Variants in ZNF831 observed in about 807,000 individuals in gnomAD.
ZNF831 encodes chromosome 20 open reading frame 174.
In ZNF831, 59 loss-of-function variants were observed where a neutral mutation model predicts 95.8. The observed-to-expected ratio is 0.62, with a 90% confidence interval of 0.50 to 0.77. The LOEUF (loss-of-function observed/expected upper bound fraction) is 0.77. Among genes scored for constraint, ZNF831 ranks in the 30% least tolerant of loss-of-function variants. The pLI is 0.00. For synonymous variants in ZNF831, 961 were observed against 925.5 expected (o/e 1.04, Z -0.70); for missense variants, 2,205 against 2,164.0 (o/e 1.02, Z -0.38).
At chr20:59,251,165 G>A (rs1987868832) in intron 4 of ZNF831, among the ~76,000 whole-genome samples, 1 of 152,092 alleles carries the variant, frequency 6.6e-6, no homozygotes, top group Non-Finnish European at 1.5e-5. Flanking sequence ...TGTACATGAG[G>A]AAGGAAAAGG....
At chr20:59,125,589 T>C (rs1979147556) in intron 1 of ZNF831, among the ~76,000 whole-genome samples, 1 of 152,198 alleles carries the variant, frequency 6.6e-6, no homozygotes, top group Non-Finnish European at 1.5e-5. Context: ...TTGACAATAC[T>C]GGGTTCAATT....
chr20:59,147,576 T>C (rs915412729), intron 2 of ZNF831, among the ~76,000 whole-genome samples: 3 of 152,230 alleles, frequency 2.0e-5, no homozygotes, highest in East Asian at 3.8e-4. Flanking sequence ...AAGGCAAAGA[T>C]GTTGGATCAT....
chr20:59,153,223 G>A (rs552023292), intron 2 of ZNF831, among the ~76,000 whole-genome samples: 35 of 152,312 alleles, frequency 2.3e-4, no homozygotes, highest in African/African-American at 7.9e-4. Flanking sequence ...CCGAGCACAC[G>A]TGCATTGGCC....
chr20:59,188,978 C>T (rs538841113), intron 1 of ZNF831, among the ~76,000 whole-genome samples: 6 of 152,134 alleles, frequency 3.9e-5, no homozygotes, highest in African/African-American at 1.4e-4. Flanking sequence ...GTCAGGAGTT[C>T]GAGACCAGCC....
chr20:59,129,928 G>T (rs1220901522), intron 1 of ZNF831, among the ~76,000 whole-genome samples: 1 of 152,182 alleles, frequency 6.6e-6, no homozygotes, highest in Admixed American at 6.5e-5. Flanking sequence ...CCTGTTGAAG[G>T]ACATTTATAC....
At chr20:59,134,080 C>T (rs1979431800) in intron 1 of ZNF831, among the ~76,000 whole-genome samples, 1 of 152,210 alleles carries the variant, frequency 6.6e-6, no homozygotes. Flanking sequence ...GGGTCAGCTT[C>T]CTGCTGGCTT....
chr20:59,245,380 G>C lies in ZNF831; in HGVS notation c.4028-7598G>C, dbSNP rs376029748. The stretch of plus-strand genomic sequence containing the variant: ...GAGCTAGGGGTCAGCCGCCCCTGGG[G>C]CCTGGGCTTGCTGTTTGGCCATCCC... On this transcript the variant is annotated intron_variant, in intron 4 of 5. Transcript: ENST00000371030. Among the ~76,000 whole-genome samples, 7 of 152,302 alleles carry C rather than the reference G, an allele frequency of 4.6e-5. 1 individual carries two copies. The highest frequency in any genetic ancestry group is 4.6e-4 in the Admixed American group (7 of 15,302).
intron 2 of ZNF831, among the ~76,000 whole-genome samples, chr20:59,156,727 T>A (rs1476353132): frequency 6.6e-6 from 1 of 152,192 alleles, no homozygotes; most frequent in East Asian, 1.9e-4. Flanking sequence ...TAAGTTTGAC[T>A]GTTTTAGATT....
Position 59,192,825 on chromosome 20 carries a change from G to A in ZNF831, c.1806G>A (p.Ala602=), listed in dbSNP as rs1451512187. Residue 602 remains alanine, a synonymous_variant, in exon 2 of 6, where the codon GCG becomes GCA. Coordinates refer to ENST00000371030, the MANE Select transcript of ZNF831 (RefSeq NM_178457.3). The surrounding 1 kb of genome is among the most constrained non-coding windows in gnomAD (Gnocchi z 5.2). The part of the protein sequence containing the change: ...AREAMAGKGR[A]GGRKCGQRRL... ...AGGCCATGGCCGGCAAGGGCAGAGC[G>A]GGCGGCAGGAAGTGCGGCCAGAGAA... 2.5e-6 allele frequency: 4 copies of A among 1,609,440 alleles called. No individual in the cohort carries two copies. Among genetic ancestry groups the A allele is most frequent in the Non-Finnish European group, 2.5e-6 (3 of 1,178,066 alleles).
At chr20:59,210,830 C>T (rs2146647097) in intron 4 of ZNF831, among the ~76,000 whole-genome samples, 1 of 152,216 alleles carries the variant, frequency 6.6e-6, no homozygotes, top group East Asian at 1.9e-4. Flanking sequence ...CTGGGGGCAC[C>T]AATGAATGGT....
At chr20:59,238,535 T>C (rs1372239191) in intron 4 of ZNF831, among the ~76,000 whole-genome samples, 2 of 152,236 alleles carry the variant, frequency 1.3e-5, no homozygotes, top group African/African-American at 2.4e-5. Flanking sequence ...GCCAGTCGCC[T>C]AGATTGTCCA....
intron 4 of ZNF831, among the ~76,000 whole-genome samples, chr20:59,223,582 A>AT (rs1986242749): frequency 6.6e-6 from 1 of 152,186 alleles, no homozygotes; most frequent in African/African-American, 2.4e-5. Flanking sequence ...ACCTGTAGTC[A>AT]TGTCATCCTA....
intron 1 of ZNF831, among the ~76,000 whole-genome samples, chr20:59,132,085 A>C (rs1003287576): frequency 1.3e-4 from 20 of 152,208 alleles, no homozygotes; most frequent in African/African-American, 4.8e-4. Flanking sequence ...CCATTGTATG[A>C]GAAATTTCAC....
At chr20:59,141,367 T>G (rs557130369) in intron 1 of ZNF831, among the ~76,000 whole-genome samples, 2 of 152,262 alleles carry the variant, frequency 1.3e-5, no homozygotes, top group Non-Finnish European at 1.5e-5. Flanking sequence ...TGATCCATTT[T>G]GAATTACTTT....
At chr20:59,207,897 C>A (rs1293036348) in intron 4 of ZNF831, among the ~76,000 whole-genome samples, 1 of 152,196 alleles carries the variant, frequency 6.6e-6, no homozygotes, top group Non-Finnish European at 1.5e-5. Flanking sequence ...CCTGGGGGAT[C>A]CTTTGCTGGG....
chr20:59,139,748 C>T (rs186224868), intron 1 of ZNF831, among the ~76,000 whole-genome samples: 168 of 152,252 alleles, frequency 1.1e-3, no homozygotes, highest in Non-Finnish European at 1.2e-3. Flanking sequence ...TTTAAAGAGT[C>T]CTCAAAGCCC....
intron 1 of ZNF831, among the ~76,000 whole-genome samples, chr20:59,183,026 T>C (rs897118700): frequency 6.6e-6 from 1 of 152,174 alleles, no homozygotes; most frequent in African/African-American, 2.4e-5. Context: ...TAGATGCACA[T>C]TCAAGTGGGT....
chr20:59,148,457 A>C lies in ZNF831; in HGVS notation c.-1281+2083A>C, dbSNP rs1044224962. 6.0e-5 allele frequency among the ~76,000 whole-genome samples: 7 copies of C among 117,006 alleles called. No individual in the cohort carries two copies. In the East Asian group the frequency reaches 1.4e-3, roughly 23 times the overall value. 76.8% of individuals were successfully genotyped at this position (117,006 alleles called of 152,430 possible). A position where few individuals can be genotyped will look rare whatever the true frequency, so the allele number is the denominator to read the frequency against. ...AGCACTTTGGGAGGCCGAGACGGGC[A>C]GATCACGAGGTCAGGAGATCGAGAC... On this transcript the variant is annotated intron_variant, in intron 2 of 7. Transcript: ENST00000637017.
At chr20:59,197,188 C>G (rs886076337) in intron 3 of ZNF831, among the ~76,000 whole-genome samples, 2 of 152,268 alleles carry the variant, frequency 1.3e-5, no homozygotes, top group African/African-American at 4.8e-5. Flanking sequence ...GGCCTCTTCT[C>G]TTTTGGTTCC....
Sources: allele counts gnomAD v4.1 joint callset (sites outside exome capture counted in the v4.1 genomes callset), GRCh38; gene constraint gnomAD v4.1.1; non-coding constraint Gnocchi (gnomAD v3.1); transcripts MANE v1.5; gene names NCBI Gene and HGNC (gene_info 2026-07-23, HGNC 2026-07-21).